Variants in EML4 observed in about 807,000 individuals in gnomAD.
EML4 encodes the protein EMAP like 4.
A neutral mutation model predicts 129.0 loss-of-function variants in EML4; 72 were observed. That is an observed-to-expected ratio of 0.56 (90% CI 0.46 to 0.68). The LOEUF (loss-of-function observed/expected upper bound fraction) is 0.68. Among genes scored for constraint, EML4 ranks in the 30% least tolerant of loss-of-function variants. The pLI is 0.00. For missense variants in EML4, 1,363 were observed against 1,190.6 expected (o/e 1.14, Z -2.13); for synonymous variants, 532 against 405.0 (o/e 1.31, Z -3.77).
intron 1 of EML4, among the ~76,000 whole-genome samples, chr2:42,209,093 A>G (rs1672732819): frequency 6.6e-6 from 1 of 152,170 alleles, no homozygotes; most frequent in African/African-American, 2.4e-5. Flanking sequence ...CATCTTTATA[A>G]TCTAATTGTA....
intron 16 of EML4, among the ~76,000 whole-genome samples, 178 bp from the exon 17 acceptor site, chr2:42,304,306 C>A (rs1000432515): frequency 6.6e-6 from 1 of 152,218 alleles, no homozygotes; most frequent in South Asian, 2.1e-4. Context: ...GCCAGCATAT[C>A]CCCTTCATGC....
chr2:42,309,765 T>C (rs1216805184), intron 17 of EML4, among the ~76,000 whole-genome samples: 2 of 151,248 alleles, frequency 1.3e-5, no homozygotes, highest in African/African-American at 4.9e-5. Context: ...AAGAGTTTTT[T>C]ATATATTCTG....
intron 2 of EML4, among the ~76,000 whole-genome samples, chr2:42,249,073 C>G (rs1244445261): frequency 6.6e-6 from 1 of 152,106 alleles, no homozygotes; most frequent in Non-Finnish European, 1.5e-5. Flanking sequence ...TCACTATTGA[C>G]ATTTGTGTAC....
At chr2:42,182,626 G>A (rs535714434) in intron 1 of EML4, among the ~76,000 whole-genome samples, 5 of 152,070 alleles carry the variant, frequency 3.3e-5, no homozygotes, top group Non-Finnish European at 7.4e-5. Flanking sequence ...TGAAAAAGTG[G>A]AAAACTATAG....
At chr2:42,181,528 G>T (rs1200270422) in intron 1 of EML4, among the ~76,000 whole-genome samples, 1 of 152,102 alleles carries the variant, frequency 6.6e-6, no homozygotes, top group Non-Finnish European at 1.5e-5. Flanking sequence ...TCAAACTCCT[G>T]ACCTCAAATG....
chr2:42,238,592 A>G (rs1674827012), intron 1 of EML4, among the ~76,000 whole-genome samples: 1 of 150,824 alleles, frequency 6.6e-6, no homozygotes, highest in Non-Finnish European at 1.5e-5. Flanking sequence ...AAAGAAAATT[A>G]AAAATGTAAT....
At chr2:42,224,514 C>T (rs1673825113) in intron 1 of EML4, among the ~76,000 whole-genome samples, 1 of 152,060 alleles carries the variant, frequency 6.6e-6, no homozygotes, top group African/African-American at 2.4e-5. Context: ...TATAAACAGT[C>T]ATGGGCAAGT....
Position 42,216,717 on chromosome 2 carries a change from G to C in EML4, c.26-28788G>C, listed in dbSNP as rs188438567. ...TTAAAGATTATTATAGCCAAACAATGAGTGCTTGCTATTTCACTGAATGGC... is the reference window on the plus strand; with the variant it reads ...TTAAAGATTATTATAGCCAAACAATCAGTGCTTGCTATTTCACTGAATGGC... On this transcript the variant is annotated intron_variant, in intron 1 of 22. Transcript: ENST00000318522. 7.2e-5 allele frequency among the ~76,000 whole-genome samples: 11 copies of C among 152,316 alleles called. 1 individual carries two copies. In the East Asian group the frequency reaches 2.1e-3, roughly 29 times the overall value.
At chr2:42,268,266 T>C (rs1666178061) in intron 6 of EML4, among the ~76,000 whole-genome samples, 1 of 152,110 alleles carries the variant, frequency 6.6e-6, no homozygotes, top group South Asian at 2.1e-4. Flanking sequence ...TAACAACTAA[T>C]AAGTAATCTA....
chr2:42,207,456 A>G (rs909442812), intron 1 of EML4, among the ~76,000 whole-genome samples: 1 of 152,202 alleles, frequency 6.6e-6, no homozygotes. Flanking sequence ...CTTTTTAAAA[A>G]TATGATTTTC....
At chr2:42,253,062 T>C (rs1272701134) in intron 2 of EML4, among the ~76,000 whole-genome samples, 1 of 152,100 alleles carries the variant, frequency 6.6e-6, no homozygotes, top group Non-Finnish European at 1.5e-5. Context: ...TACGTTACAG[T>C]TTAGGCAAGC....
chr2:42,243,467 A>C (rs1675172781), intron 1 of EML4, among the ~76,000 whole-genome samples: 1 of 151,918 alleles, frequency 6.6e-6, no homozygotes, highest in Non-Finnish European at 1.5e-5. Flanking sequence ...AAATGTGCTC[A>C]AAGTTTTCAA....
intron 13 of EML4, among the ~76,000 whole-genome samples, chr2:42,296,323 TC>T (rs959106152): frequency 7.2e-5 from 11 of 151,904 alleles, no homozygotes; most frequent in Non-Finnish European, 1.5e-4. Flanking sequence ...GGTCAGCCAG[TC>T]CTCAATAATT....
intron 19 of EML4, among the ~76,000 whole-genome samples, chr2:42,323,697 G>T (rs1270693624): frequency 6.6e-6 from 1 of 151,790 alleles, no homozygotes; most frequent in African/African-American, 2.4e-5. Context: ...ACTTTGGGAG[G>T]CTGGGGCAAG....
At chr2:42,203,888 C>G (rs992802491) in intron 1 of EML4, among the ~76,000 whole-genome samples, 1 of 151,994 alleles carries the variant, frequency 6.6e-6, no homozygotes, top group Non-Finnish European at 1.5e-5. Context: ...GTGCTAAGCA[C>G]TCTGTATTTA....
rs1361946120 is a variant in EML4, at chr2:42,325,555, G to C, written c.2242+1G>C. ...TCGGGAGACTATGAAATATTGTACT[G>C]TAAGTATGAATGATTTTATATATAT... On this transcript the variant is annotated splice_donor_variant, in intron 20 of 22. Transcript: ENST00000318522. LOFTEE classifies it high-confidence loss of function. The C allele has an allele frequency of 1.8e-6, 2 of 1,141,744 alleles. No homozygotes were observed. The highest frequency in any genetic ancestry group is 2.9e-5 in the South Asian group (2 of 70,032). 70.7% of individuals were successfully genotyped at this position (1,141,744 alleles called of 1,614,324 possible).
chr2:42,286,463 A>C (rs1397240133), intron 10 of EML4, 84 bp downstream of exon 10: 5 of 814,492 alleles, frequency 6.1e-6, no homozygotes, highest in Non-Finnish European at 1.1e-5. Context: ...TTATGTGGCC[A>C]TGAAGTGATA....
chr2:42,284,524 C>A, intron 8 of EML4, 110 bp from the exon 9 acceptor site: 1 of 598,762 alleles, frequency 1.7e-6, no homozygotes, highest in Non-Finnish European at 2.8e-6. Flanking sequence ...AACAGATAAA[C>A]GTATGTTTTT....
chr2:42,315,969 G>A lies in EML4; in HGVS notation c.1975G>A (p.Val659Ile). Residue 659 changes from valine (V) to isoleucine (I), a missense_variant, in exon 18 of 23, where the codon GTT becomes ATT. By Grantham distance (29) the Val-to-Ile change is conservative. Transcript: ENST00000318522. Reference protein sequence around the residue: ...AIGTHSGRWFVLDAETRDLVS... With the variant: ...AIGTHSGRWFILDAETRDLVS... ...ATTTTTACTTCTTAACAGGTGGTTT[G>A]TTCTGGATGCAGAAACCAGAGATCT... The A allele has an allele frequency of 6.2e-7, 1 of 1,611,792 alleles. No individual in the cohort carries two copies. The highest frequency in any genetic ancestry group is 8.5e-7 in the Non-Finnish European group (1 of 1,178,446).
Sources: allele counts gnomAD v4.1 joint callset (sites outside exome capture counted in the v4.1 genomes callset), GRCh38; gene constraint gnomAD v4.1.1; transcripts MANE v1.5; gene names NCBI Gene and HGNC (gene_info 2026-07-23, HGNC 2026-07-21).